Variants in CAPN7 observed in about 807,000 individuals in gnomAD.
The protein encoded by CAPN7 is calpain-7.
CAPN7 carries 72 observed loss-of-function variants against 115.2 expected under a neutral mutation model. The ratio of observed to expected loss-of-function variants is 0.63; its 90% confidence interval spans 0.52 to 0.76. The LOEUF (loss-of-function observed/expected upper bound fraction) is 0.76, where lower values mean the gene tolerates loss of function less well. CAPN7 is among the 30% of genes least tolerant of loss of function. The pLI is 0.00. For missense variants in CAPN7, 905 were observed against 971.5 expected (o/e 0.93, Z 0.91); for synonymous variants, 344 against 322.3 (o/e 1.07, Z -0.72).
At chr3:15,208,823 T>C (rs1043859659) in intron 1 of CAPN7, among the ~76,000 whole-genome samples, 8 of 152,180 alleles carry the variant, frequency 5.3e-5, no homozygotes, top group African/African-American at 1.7e-4. Flanking sequence ...TTTGCAAATA[T>C]ACCCCTCTAG....
intron 12 of CAPN7, among the ~76,000 whole-genome samples, chr3:15,239,625 G>T (rs17040891): frequency 0.12 from 18,976 of 152,186 alleles, 3,949 homozygotes; most frequent in African/African-American, 0.43. Flanking sequence ...CACTATGAAG[G>T]TTGGAGAATT....
rs1054588941 is a variant in CAPN7, at chr3:15,206,267, G to A, written c.-229G>A. On this transcript the variant is annotated 5_prime_UTR_variant, in exon 1 of 21. It adds an upstream start codon to the 5' untranslated region. Transcript: ENST00000253693. ...GGGCGAGGGCCGCTGGGGCCGCGAA[G>A]TGGGGCGGCCGGGTGGGCTACAAGC... is the stretch of plus-strand genomic sequence containing the variant. 4.9e-6 allele frequency: 2 copies of A among 410,836 alleles called. No individual in the cohort carries two copies. The highest frequency in any genetic ancestry group is 4.8e-5 in the Admixed American group (1 of 20,720). 25.4% of individuals were successfully genotyped at this position (410,836 alleles called of 1,614,324 possible).
intron 1 of CAPN7, among the ~76,000 whole-genome samples, chr3:15,208,104 A>G (rs940637819): frequency 6.6e-6 from 1 of 152,082 alleles, no homozygotes; most frequent in East Asian, 1.9e-4. Flanking sequence ...TTTCAACTCC[A>G]TTATAATCTT....
At chr3:15,223,281 T>C (rs1694110701) in intron 5 of CAPN7, among the ~76,000 whole-genome samples, 194 bp from the exon 6 acceptor site, 1 of 152,246 alleles carries the variant, frequency 6.6e-6, no homozygotes, top group Non-Finnish European at 1.5e-5. Context: ...TCTTATTGGT[T>C]TGAATTGATT....
At chr3:15,209,433 C>T (rs771417407) in intron 1 of CAPN7, among the ~76,000 whole-genome samples, 5 of 152,236 alleles carry the variant, frequency 3.3e-5, no homozygotes, top group Non-Finnish European at 7.3e-5. Flanking sequence ...ACCTTAACTA[C>T]TTCACAGCTG....
At chr3:15,236,125 CA>C (rs1196700153) in intron 12 of CAPN7, among the ~76,000 whole-genome samples, 1 of 152,146 alleles carries the variant, frequency 6.6e-6, no homozygotes, top group Non-Finnish European at 1.5e-5. Flanking sequence ...GAGCCATGAT[CA>C]CACCACTGTG....
intron 6 of CAPN7, among the ~76,000 whole-genome samples, chr3:15,227,559 G>A (rs1292775476): frequency 1.3e-5 from 2 of 152,012 alleles, no homozygotes; most frequent in Admixed American, 1.3e-4. Context: ...TGAATTTCTT[G>A]AATACAGTTA....
intron 1 of CAPN7, 53 bp downstream of exon 1, chr3:15,206,650 G>C: frequency 7.4e-7 from 1 of 1,344,052 alleles, no homozygotes. Context: ...AGTGCGGCCC[G>C]GGCCTGCGGC....
intron 6 of CAPN7, among the ~76,000 whole-genome samples, chr3:15,226,240 A>T (rs1350741813): frequency 6.6e-6 from 1 of 151,798 alleles, no homozygotes; most frequent in Non-Finnish European, 1.5e-5. Context: ...ACGCCCGACT[A>T]ATTTTGTATT....
At chr3:15,206,719 G>T in intron 1 of CAPN7, 122 bp downstream of exon 1, 1 of 689,348 alleles carries the variant, frequency 1.5e-6, no homozygotes, top group Non-Finnish European at 2.4e-6. Flanking sequence ...TCCCTCGTCC[G>T]CCTCCCGGCC....
chr3:15,218,423 A>G, intron 3 of CAPN7, 50 bp from the exon 4 acceptor site: 1 of 1,418,196 alleles, frequency 7.1e-7, no homozygotes, highest in Non-Finnish European at 9.9e-7. Context: ...GATCAAGCAA[A>G]TTGAAAAATA....
chr3:15,220,471 T>G (rs1693911489), intron 4 of CAPN7, among the ~76,000 whole-genome samples: 1 of 152,212 alleles, frequency 6.6e-6, no homozygotes, highest in Non-Finnish European at 1.5e-5. Context: ...TTGTCTGTCT[T>G]TCCCTACAAA....
At chr3:15,228,694 G>T (rs1405060941) in intron 7 of CAPN7, among the ~76,000 whole-genome samples, 1 of 152,132 alleles carries the variant, frequency 6.6e-6, no homozygotes, top group Non-Finnish European at 1.5e-5. Context: ...GCAGACACTG[G>T]GTTCTACTTG....
chr3:15,210,484 C>T (rs1360107318), intron 1 of CAPN7, among the ~76,000 whole-genome samples: 1 of 143,000 alleles, frequency 7.0e-6, no homozygotes, highest in Non-Finnish European at 1.5e-5. Context: ...CTTTCCTCCT[C>T]TGAAATAGTT....
intron 9 of CAPN7, among the ~76,000 whole-genome samples, chr3:15,230,920 TTGAAA>T (rs1694648112): frequency 1.3e-5 from 2 of 152,226 alleles, no homozygotes; most frequent in Non-Finnish European, 2.9e-5. Context: ...TAAGAAGCCT[TTGAAA>T]TTATTTCCTT....
intron 2 of CAPN7, among the ~76,000 whole-genome samples, chr3:15,214,436 A>G (rs2045128853): frequency 6.6e-6 from 1 of 152,114 alleles, no homozygotes. Flanking sequence ...AAAATTAACC[A>G]GTATAGGCCG....
In CAPN7 at chr3:15,235,050, A is replaced by T. The variant is rs1694907006; in HGVS notation, c.1312A>T (p.Thr438Ser). Residue 438 changes from threonine to serine, a missense_variant, in exon 12 of 21, where the codon ACT (threonine) becomes TCT (serine). Transcript: ENST00000253693. ...ATTTCACAAAGGAGATGTCCTCATC[A>T]CTGCGTCAACTGGAATGATGACAGA... is the stretch of plus-strand genomic sequence containing the variant. ...QRFHKGDVLI[T>S]ASTGMMTEAE... 6.2e-7 allele frequency: 1 copy of T among 1,613,180 alleles called. No individual in the cohort carries two copies.
At chr3:15,212,620 C>T (rs1272297897) in intron 2 of CAPN7, among the ~76,000 whole-genome samples, 1 of 152,140 alleles carries the variant, frequency 6.6e-6, no homozygotes, top group Admixed American at 6.5e-5. Flanking sequence ...TCTTCTCTTT[C>T]GGTGTCTTCT....
chr3:15,232,738 C>G, intron 10 of CAPN7, 73 bp downstream of exon 10: 1 of 1,304,978 alleles, frequency 7.7e-7, no homozygotes, highest in Non-Finnish European at 1.0e-6. Flanking sequence ...TTGAAAAATT[C>G]TAGATAGTCT....
Sources: allele counts gnomAD v4.1 joint callset (sites outside exome capture counted in the v4.1 genomes callset), GRCh38; gene constraint gnomAD v4.1.1; transcripts MANE v1.5; gene names NCBI Gene and HGNC (gene_info 2026-07-23, HGNC 2026-07-21).